Variants in TMOD1 observed in about 807,000 individuals in gnomAD.
The protein encoded by TMOD1 is tropomodulin-1.
Under a neutral mutation model 40.6 loss-of-function variants are expected in TMOD1, and 17 were observed. The ratio of observed to expected loss-of-function variants is 0.42; its 90% CI spans 0.29 to 0.63. TMOD1 has a LOEUF of 0.63. Among genes scored for constraint, TMOD1 ranks in the 20% least tolerant of loss-of-function variants. The probability of loss-of-function intolerance (pLI) is 0.22; values close to 1 mark genes in which losing one functional copy is unlikely to be tolerated. For synonymous variants in TMOD1, 181 were observed against 175.0 expected, an observed-to-expected ratio of 1.03 and a Z score of -0.27; for missense variants, 391 against 447.6, an observed-to-expected ratio of 0.87 and a Z score of 1.14.
intron 3 of TMOD1, among the ~76,000 whole-genome samples, chr9:97,552,238 G>A (rs1468045475): frequency 6.6e-6 from 1 of 152,072 alleles, no homozygotes; most frequent in Non-Finnish European, 1.5e-5. Context: ...GTAAAAGTGG[G>A]CACCCTTGTC....
intron 1 of TMOD1, among the ~76,000 whole-genome samples, chr9:97,520,499 G>T (rs1829897909): frequency 6.6e-6 from 1 of 152,098 alleles, no homozygotes; most frequent in Non-Finnish European, 1.5e-5. Flanking sequence ...GGAGAATACT[G>T]CTTCGTAGCA....
intron 7 of TMOD1, among the ~76,000 whole-genome samples, chr9:97,568,151 CA>C (rs996374526): frequency 6.6e-6 from 1 of 152,130 alleles, no homozygotes; most frequent in African/African-American, 2.4e-5. Flanking sequence ...TGAAGAAAAC[CA>C]TGTCTCCATG....
chr9:97,575,067 C>G (rs138673437), intron 8 of TMOD1, among the ~76,000 whole-genome samples: 1 of 152,238 alleles, frequency 6.6e-6, no homozygotes, highest in East Asian at 1.9e-4. Flanking sequence ...CACTTCCGCA[C>G]TGTGGAAACT....
intron 9 of TMOD1, among the ~76,000 whole-genome samples, chr9:97,596,476 A>C: frequency 6.6e-6 from 1 of 152,236 alleles, no homozygotes. Context: ...TAGCTCATGT[A>C]GTCCTCCCCA....
intron 8 of TMOD1, among the ~76,000 whole-genome samples, chr9:97,577,779 C>T (rs182590350): frequency 6.6e-6 from 1 of 152,022 alleles, no homozygotes; most frequent in Non-Finnish European, 1.5e-5. Context: ...CAAAAAATAA[C>T]ATAAAATAAA....
intron 2 of TMOD1, among the ~76,000 whole-genome samples, chr9:97,527,275 T>G (rs1830030705): frequency 6.6e-6 from 1 of 152,222 alleles, no homozygotes; most frequent in Non-Finnish European, 1.5e-5. Flanking sequence ...TGTAGCCACT[T>G]CCAGTTAACT....
intron 3 of TMOD1, among the ~76,000 whole-genome samples, chr9:97,550,412 T>C (rs577080138): frequency 2.0e-5 from 3 of 152,262 alleles, no homozygotes; most frequent in Non-Finnish European, 4.4e-5. Flanking sequence ...ATGAATGATA[T>C]AGTAATTCTA....
At chr9:97,519,028 TC>T (rs768620370) in intron 1 of TMOD1, among the ~76,000 whole-genome samples, 3 of 152,250 alleles carry the variant, frequency 2.0e-5, no homozygotes, top group Non-Finnish European at 4.4e-5. Context: ...AACTTGTGAC[TC>T]AGCTCTTCCT....
At chr9:97,524,788 A>G (rs1445339210) in intron 2 of TMOD1, among the ~76,000 whole-genome samples, 1 of 152,114 alleles carries the variant, frequency 6.6e-6, no homozygotes, top group Non-Finnish European at 1.5e-5. Flanking sequence ...GCAGGAGGAA[A>G]TTTCCGCTTA....
chr9:97,508,582 G>A (rs563945021), intron 1 of TMOD1, among the ~76,000 whole-genome samples: 5 of 152,212 alleles, frequency 3.3e-5, no homozygotes, highest in African/African-American at 7.2e-5. Context: ...TGCTTAAGAC[G>A]TGCCTGGGAT....
Position 97,601,456 on chromosome 9 carries a change from A to G in TMOD1, c.*1758A>G, listed in dbSNP as rs1356496304. On this transcript the variant is annotated 3_prime_UTR_variant, in exon 10 of 10. Transcript: ENST00000259365. ...CCAGAGAGAACATTTAAAAGCTCAG[A>G]GAGTAAGTGCTGGGGAAAGCAGAGC... 3.9e-6 allele frequency: 4 copies of G among 1,016,226 alleles called. No individual in the cohort carries two copies. In the East Asian group the frequency reaches 4.3e-4, roughly 109 times the overall value. The allele number at this position is 1,016,226 out of a possible 1,614,324, so 63.0% of individuals were successfully genotyped here.
chr9:97,535,358 C>G (rs1830164159), intron 2 of TMOD1, among the ~76,000 whole-genome samples: 1 of 152,194 alleles, frequency 6.6e-6, no homozygotes, highest in Non-Finnish European at 1.5e-5. Flanking sequence ...AATGCCTCCC[C>G]TAGCAGGCCA....
At chr9:97,593,292 CT>C (rs1826037456) in intron 9 of TMOD1, among the ~76,000 whole-genome samples, 1 of 152,134 alleles carries the variant, frequency 6.6e-6, no homozygotes, top group African/African-American at 2.4e-5. Context: ...ACAAAATGGC[CT>C]TTGAAAACTC....
intron 1 of TMOD1, among the ~76,000 whole-genome samples, chr9:97,505,291 G>C (rs75266562): frequency 6.6e-6 from 1 of 152,174 alleles, no homozygotes; most frequent in Non-Finnish European, 1.5e-5. Context: ...GGAGGAAAGA[G>C]GGAGGGAGAG....
Position 97,600,125 on chromosome 9 carries a change from C to CTATT in TMOD1, c.*428_*431dup, listed in dbSNP as rs1826219761. 2 of 1,004,176 alleles carry CTATT rather than the reference C, an allele frequency of 2.0e-6. No homozygotes were observed. Among genetic ancestry groups the CTATT allele is most frequent in the African/African-American group, 1.7e-5 (1 of 58,068 alleles). The allele number at this position is 1,004,176 out of a possible 1,614,324, so 62.2% of individuals were successfully genotyped here. A position where few individuals can be genotyped will look rare whatever the true frequency, so the allele number is the denominator to read the frequency against. On this transcript the variant is annotated 3_prime_UTR_variant, in exon 10 of 10. Coordinates refer to ENST00000259365, the MANE Select transcript of TMOD1 (RefSeq NM_003275.4). ...ACACTTTATTACAAATTTGTCTTAG[C>CTATT]TATTAGCAAATAAAACTGATTATCA... is the stretch of plus-strand genomic sequence containing the variant.
intron 3 of TMOD1, among the ~76,000 whole-genome samples, chr9:97,551,014 A>ATTTTTTTT (rs55700746): frequency 3.8e-5 from 4 of 104,252 alleles, no homozygotes; most frequent in South Asian, 2.8e-4. Context: ...ATATATATAT[A>ATTTTTTTT]TTTTTTTTTT....
At chr9:97,572,362 G>A (rs1200673805) in intron 8 of TMOD1, among the ~76,000 whole-genome samples, 2 of 152,090 alleles carry the variant, frequency 1.3e-5, no homozygotes, top group African/African-American at 2.4e-5. Context: ...CTGGGAAGAT[G>A]GTTCTGGCTG....
chr9:97,515,371 C>T (rs577180003), intron 1 of TMOD1, among the ~76,000 whole-genome samples: 1 of 152,176 alleles, frequency 6.6e-6, no homozygotes, highest in Non-Finnish European at 1.5e-5. Flanking sequence ...CTCCTGCCTC[C>T]CAGGCTCAAG....
At chr9:97,554,414 A>G (rs1830503645) in intron 4 of TMOD1, among the ~76,000 whole-genome samples, 1 of 152,088 alleles carries the variant, frequency 6.6e-6, no homozygotes, top group Admixed American at 6.6e-5. Flanking sequence ...TGGGCCACCC[A>G]AGTAGGGTCA....
Sources: allele counts gnomAD v4.1 joint callset (sites outside exome capture counted in the v4.1 genomes callset), GRCh38; gene constraint gnomAD v4.1.1; transcripts MANE v1.5; gene names NCBI Gene and HGNC (gene_info 2026-07-23, HGNC 2026-07-21).